Variants in TAFA2 observed in about 807,000 individuals in gnomAD.
TAFA2 encodes chemokine-like protein TAFA-2.
In TAFA2, 7 loss-of-function variants were observed where a neutral mutation model predicts 18.8. The ratio of observed to expected loss-of-function variants is 0.37; its 90% CI spans 0.21 to 0.70. The LOEUF is 0.70. TAFA2 is among the 30% of genes least tolerant of loss of function. The probability of loss-of-function intolerance (pLI) is 0.53; values close to 1 mark genes in which losing one functional copy is unlikely to be tolerated. For synonymous variants in TAFA2, 60 were observed against 54.2 expected, an observed-to-expected ratio of 1.11 and a Z score of -0.47; for missense variants, 122 against 158.1, an observed-to-expected ratio of 0.77 and a Z score of 1.23.
intron 1 of TAFA2, among the ~76,000 whole-genome samples, chr12:61,996,275 A>G (rs919689764): frequency 6.6e-6 from 1 of 152,184 alleles, no homozygotes; most frequent in South Asian, 2.1e-4. Context: ...TAAGATGACT[A>G]AAAGGAAACA....
intron 1 of TAFA2, among the ~76,000 whole-genome samples, chr12:62,096,004 A>C (rs1030196306): frequency 2.0e-5 from 3 of 152,134 alleles, no homozygotes; most frequent in African/African-American, 7.2e-5. Context: ...GACTGATATT[A>C]GCAAAACATC....
intron 1 of TAFA2, among the ~76,000 whole-genome samples, chr12:62,153,042 AT>A (rs1269270977): frequency 6.6e-6 from 1 of 152,192 alleles, no homozygotes; most frequent in African/African-American, 2.4e-5. Flanking sequence ...TAAAAAAGAC[AT>A]TCAATAATTT....
intron 2 of TAFA2, among the ~76,000 whole-genome samples, chr12:61,760,075 C>CTTT (rs35014156): frequency 0.032 from 4,407 of 137,714 alleles, 289 homozygotes; most frequent in African/African-American, 0.11. Context: ...CTGCCCAGTG[C>CTTT]TTTTTTTTTT....
At chr12:62,207,553 G>A (rs1011297832) in intron 1 of TAFA2, among the ~76,000 whole-genome samples, 1 of 152,088 alleles carries the variant, frequency 6.6e-6, no homozygotes, top group East Asian at 1.9e-4. Flanking sequence ...ACCTCCAGAG[G>A]CCCACCCATT....
intron 1 of TAFA2, among the ~76,000 whole-genome samples, chr12:61,934,543 C>T (rs1034375313): frequency 2.6e-5 from 4 of 152,172 alleles, no homozygotes; most frequent in Non-Finnish European, 5.9e-5. Flanking sequence ...CTAAACTGAA[C>T]TCTGATATTT....
chr12:61,738,329 A>C lies in TAFA2; in HGVS notation c.384+15293T>G, dbSNP rs10675138. Among the ~76,000 whole-genome samples the C allele has an allele frequency of 3.7e-3, 538 of 146,814 alleles. 1 individual carries two copies. Among genetic ancestry groups the C allele is most frequent in the African/African-American group, 0.01 (414 of 39,704 alleles). ...CACACACACACACACACACACACACAAACCTAGCTCATAAACCCAGGCTAA... is the reference window on the plus strand; with the variant it reads ...CACACACACACACACACACACACACCAACCTAGCTCATAAACCCAGGCTAA... On this transcript the variant is annotated intron_variant, in intron 4 of 4. Coordinates refer to ENST00000416284, the MANE Select transcript of TAFA2 (RefSeq NM_178539.5).
At chr12:62,160,714 T>G (rs1204618705) in intron 1 of TAFA2, among the ~76,000 whole-genome samples, 2 of 152,166 alleles carry the variant, frequency 1.3e-5, no homozygotes, top group Non-Finnish European at 2.9e-5. Context: ...GTTCTCCCCA[T>G]GTCTGCGTGA....
intron 1 of TAFA2, among the ~76,000 whole-genome samples, chr12:61,891,522 C>T (rs1156546453): frequency 6.6e-6 from 1 of 152,096 alleles, no homozygotes. Context: ...GTGGCGCATG[C>T]CTGTAATCCC....
intron 4 of TAFA2, among the ~76,000 whole-genome samples, chr12:61,737,948 C>T (rs79729253): frequency 0.026 from 3,941 of 151,918 alleles, 165 homozygotes; most frequent in African/African-American, 0.09. Flanking sequence ...ATGTATGCTA[C>T]GTACATAACA....
intron 1 of TAFA2, among the ~76,000 whole-genome samples, chr12:62,092,296 C>T (rs1868749304): frequency 6.6e-6 from 1 of 151,910 alleles, no homozygotes; most frequent in Non-Finnish European, 1.5e-5. Context: ...CCCCACTCCC[C>T]CTGTAACTTC....
At chr12:62,189,192 A>C (rs2700268) in intron 1 of TAFA2, among the ~76,000 whole-genome samples, 114,632 of 144,458 alleles carry the variant, frequency 0.79, 43,553 homozygotes, top group Non-Finnish European at 0.81. Flanking sequence ...ATTTTCACAT[A>C]AAAAAAAAAA....
At chr12:61,933,377 TA>T (rs1167145703) in intron 1 of TAFA2, among the ~76,000 whole-genome samples, 1 of 152,042 alleles carries the variant, frequency 6.6e-6, no homozygotes, top group Admixed American at 6.5e-5. Flanking sequence ...TAAGATAACA[TA>T]ATAAAGTTAC....
chr12:61,879,595 A>G, intron 1 of TAFA2: 1 of 768,736 alleles, frequency 1.3e-6, no homozygotes. Context: ...CACACCCAGG[A>G]GAAGGAGCAG....
chr12:61,879,730 G>A (rs1400243204), intron 1 of TAFA2: 1 of 1,185,482 alleles, frequency 8.4e-7, no homozygotes, highest in Admixed American at 1.7e-5. Flanking sequence ...AGAGCAACAT[G>A]GACAACATGT....
chr12:61,709,182 A>C lies in TAFA2; in HGVS notation c.*1224T>G, dbSNP rs774885501. On this transcript the variant is annotated 3_prime_UTR_variant, in exon 5 of 5. Transcript: ENST00000416284. Reference sequence around the variant, plus strand: ...TCTATAACTTAGAAAAAAAAAGTACATACATGTTTAAGGCCTTTAAATATT... The same window carrying C: ...TCTATAACTTAGAAAAAAAAAGTACCTACATGTTTAAGGCCTTTAAATATT... 4 of 152,592 alleles carry C rather than the reference A, an allele frequency of 2.6e-5. No homozygotes were observed. Among genetic ancestry groups the C allele is most frequent in the Admixed American group, 6.6e-5 (1 of 15,240 alleles). The allele number at this position is 152,592 out of a possible 1,614,324, so 9.5% of individuals were successfully genotyped here.
At chr12:62,136,876 T>G (rs764439504) in intron 1 of TAFA2, among the ~76,000 whole-genome samples, 2 of 152,144 alleles carry the variant, frequency 1.3e-5, no homozygotes, top group Non-Finnish European at 2.9e-5. Context: ...AATGTCATAA[T>G]CTACCATTTC....
chr12:62,212,363 C>T (rs538285542), intron 1 of TAFA2, among the ~76,000 whole-genome samples: 7 of 152,316 alleles, frequency 4.6e-5, no homozygotes, highest in Admixed American at 1.3e-4. Context: ...CCCTGTATTT[C>T]ACACATAAGC....
intron 1 of TAFA2, among the ~76,000 whole-genome samples, chr12:62,140,817 A>T (rs2062234613): frequency 6.6e-6 from 1 of 152,196 alleles, no homozygotes; most frequent in Non-Finnish European, 1.5e-5. Context: ...GGGAAATACA[A>T]GAGACTAGCT....
At chr12:62,147,043 G>A (rs1362800686) in intron 1 of TAFA2, among the ~76,000 whole-genome samples, 2 of 151,372 alleles carry the variant, frequency 1.3e-5, no homozygotes, top group African/African-American at 2.4e-5. Context: ...CTTTGACAAA[G>A]TCAGCAAAAA....
Sources: allele counts gnomAD v4.1 joint callset (sites outside exome capture counted in the v4.1 genomes callset), GRCh38; gene constraint gnomAD v4.1.1; transcripts MANE v1.5; gene names NCBI Gene and HGNC (gene_info 2026-07-23, HGNC 2026-07-21).